Variants in EGLN1 observed in about 807,000 individuals in gnomAD.
The protein encoded by EGLN1 is egl nine homolog 1.
EGLN1 carries 17 observed loss-of-function variants against 38.3 expected under a neutral mutation model. The ratio of observed to expected loss-of-function variants is 0.44; its 90% CI spans 0.30 to 0.67. EGLN1 has a LOEUF of 0.67. Ranked by LOEUF, EGLN1 falls within the 30% of genes least tolerant of loss-of-function variation. EGLN1 has a pLI of 0.08. For missense variants in EGLN1, 477 were observed against 603.3 expected (o/e 0.79, Z 2.19); for synonymous variants, 283 against 257.5 (o/e 1.10, Z -0.95).
At chr1:231,379,608 G>A (rs112776080) in intron 1 of EGLN1, among the ~76,000 whole-genome samples, 13 of 152,278 alleles carry the variant, frequency 8.5e-5, no homozygotes, top group African/African-American at 2.9e-4. Flanking sequence ...TGGGCAGGAC[G>A]CCATTCTACT....
chr1:231,380,484 GAC>G (rs1688058151), intron 1 of EGLN1, among the ~76,000 whole-genome samples: 1 of 121,736 alleles, frequency 8.2e-6, no homozygotes, highest in African/African-American at 2.6e-5. Context: ...ATTTTAAAAA[GAC>G]ATATAAGGGC....
At chr1:231,373,112 A>G (rs1401058761) in intron 2 of EGLN1, among the ~76,000 whole-genome samples, 1 of 152,202 alleles carries the variant, frequency 6.6e-6, no homozygotes, top group Non-Finnish European at 1.5e-5. Flanking sequence ...ACTCAGGCTA[A>G]TATTAAGGAA....
chr1:231,411,425 C>CA (rs953664310), intron 1 of EGLN1, among the ~76,000 whole-genome samples: 21 of 152,250 alleles, frequency 1.4e-4, no homozygotes, highest in African/African-American at 4.8e-4. Flanking sequence ...TGAAAACAGA[C>CA]AAACACAATG....
rs1201696029 is a variant in EGLN1 at position 231,421,926 on chromosome 1, G to C, written c.-38C>G. 4 of 1,365,740 alleles carry C rather than the reference G, an allele frequency of 2.9e-6. No individual in the cohort carries two copies. Among genetic ancestry groups the C allele is most frequent in the Non-Finnish European group, 2.8e-6 (3 of 1,070,676 alleles). The allele number at this position is 1,365,740 out of a possible 1,614,324, so 84.6% of individuals were successfully genotyped here. Reference sequence around the variant, plus strand: ...GGCGGCGACGGCGACTGCGGCGGCCGAGCAGGAGGGGTAGCGGCCGGACGG... The same window carrying C: ...GGCGGCGACGGCGACTGCGGCGGCCCAGCAGGAGGGGTAGCGGCCGGACGG... On this transcript the variant is annotated 5_prime_UTR_variant, in exon 1 of 5. Coordinates refer to ENST00000366641, the MANE Select transcript of EGLN1 (RefSeq NM_022051.3). This position sits in a 1 kb window ranked among gnomAD's most constrained non-coding sequence, Gnocchi z 5.5.
chr1:231,375,663 C>T (rs894742446), intron 1 of EGLN1, among the ~76,000 whole-genome samples: 9 of 152,158 alleles, frequency 5.9e-5, no homozygotes, highest in African/African-American at 1.9e-4. Context: ...TTCCTTCTTT[C>T]AGCACTGGAG....
chr1:231,386,407 G>A (rs1257442017), intron 1 of EGLN1, among the ~76,000 whole-genome samples: 5 of 152,130 alleles, frequency 3.3e-5, no homozygotes, highest in African/African-American at 7.2e-5. Context: ...ATACCACTGC[G>A]GGAGAGTGTG....
intron 1 of EGLN1, among the ~76,000 whole-genome samples, chr1:231,377,846 C>T (rs1437738022): frequency 1.3e-5 from 2 of 152,160 alleles, no homozygotes; most frequent in African/African-American, 4.8e-5. Flanking sequence ...CAGTGCTTAG[C>T]TGTTTCCTAT....
At chr1:231,392,656 T>C (rs115483465) in intron 1 of EGLN1, among the ~76,000 whole-genome samples, 4,879 of 152,250 alleles carry the variant, frequency 0.032, 263 homozygotes, top group African/African-American at 0.11. Flanking sequence ...CAAAAACCTA[T>C]GGTGAGGATA....
chr1:231,414,664 C>T lies in EGLN1; in HGVS notation c.891+6334G>A, dbSNP rs546594872. ...AGAAGCAAAAGGGAGAAGAAAGTCT[C>T]GAATGTTCAAGCATATTCTCAAAAA... On this transcript the variant is annotated intron_variant, in intron 1 of 4. Coordinates refer to ENST00000366641, the MANE Select transcript of EGLN1 (RefSeq NM_022051.3). Among the ~76,000 whole-genome samples, 6 of 151,144 alleles carry T rather than the reference C, an allele frequency of 4.0e-5. No individual in the cohort carries two copies. In the East Asian group the frequency reaches 7.7e-4, roughly 20 times the overall value.
intron 1 of EGLN1, among the ~76,000 whole-genome samples, chr1:231,401,509 C>T (rs1454915858): frequency 4.6e-5 from 7 of 152,128 alleles, no homozygotes; most frequent in Non-Finnish European, 1.0e-4. Context: ...TTAAGAATAT[C>T]TAATGCATTG....
chr1:231,421,570 C>T lies in EGLN1; in HGVS notation c.319G>A (p.Ala107Thr). 1.5e-6 allele frequency: 2 copies of T among 1,308,656 alleles called. No individual in the cohort carries two copies. The highest frequency in any genetic ancestry group is 2.9e-4 in the Middle Eastern group (1 of 3,498). The allele number at this position is 1,308,656 out of a possible 1,614,324, so 81.1% of individuals were successfully genotyped here. A position where few individuals can be genotyped will look rare whatever the true frequency, so the allele number is the denominator to read the frequency against. The change falls in exon 1 of 5, where the codon GCG (alanine) becomes ACG (threonine). Residue 107 changes from alanine to threonine, a missense_variant. Physicochemically the swap from Ala to Thr is moderately conservative, Grantham distance 58. This residue lies in a region of EGLN1 where 298 missense variants were observed against 288.9 expected (regional missense o/e 1.03). Transcript: ENST00000366641. The surrounding 1 kb of genome is among the most constrained non-coding windows in gnomAD (Gnocchi z 5.5). ...AARRDNASGD[A>T]AKGKVKAKPP... ...TTGGCCTTTACTTTTCCCTTGGCCG[C>T]GTCCCCGGAGGCGTTGTCCCGGCGC...
chr1:231,416,077 C>T (rs1689071739), intron 1 of EGLN1, among the ~76,000 whole-genome samples: 2 of 151,990 alleles, frequency 1.3e-5, no homozygotes, highest in African/African-American at 4.8e-5. Context: ...GGTCTCAATC[C>T]CTCGACCTTG....
rs73121543 is a variant in EGLN1 at position 231,420,605 on chromosome 1, G to A, written c.891+393C>T. Among the ~76,000 whole-genome samples, 1,401 of 152,242 alleles carry A rather than the reference G, an allele frequency of 9.2e-3. 24 individuals carry two copies. Among genetic ancestry groups the A allele is most frequent in the African/African-American group, 0.032 (1,323 of 41,510 alleles). On this transcript the variant is annotated intron_variant, in intron 1 of 4. Coordinates refer to ENST00000366641, the MANE Select transcript of EGLN1 (RefSeq NM_022051.3). ...AATTTAACAGCTTATGCAAACACAA[G>A]GCAGATGCAGAACCAGGACTTGCTT... is the stretch of plus-strand genomic sequence containing the variant.
intron 2 of EGLN1, among the ~76,000 whole-genome samples, chr1:231,373,669 CGT>C (rs150455754): frequency 1.7e-5 from 2 of 119,588 alleles, no homozygotes; most frequent in Non-Finnish European, 3.5e-5. Context: ...CCCCTAACCT[CGT>C]GTGTGCGTGT....
In EGLN1 at chr1:231,368,194, A is replaced by C. The variant is rs74654454; in HGVS notation, c.1149-558T>G. On this transcript the variant is annotated intron_variant, in intron 3 of 4. Coordinates refer to ENST00000366641, the MANE Select transcript of EGLN1 (RefSeq NM_022051.3). ...TGACAGAGTGAGCCTCCCTCTAAAA[A>C]AAAAGAGAGACAATAAAAGGGTAAA... 1.1e-4 allele frequency among the ~76,000 whole-genome samples: 16 copies of C among 152,318 alleles called. No homozygotes were observed. The East Asian group carries it at 3.1e-3, about 29-fold the overall frequency.
chr1:231,415,848 TTTC>T (rs962825951), intron 1 of EGLN1, among the ~76,000 whole-genome samples: 4 of 123,614 alleles, frequency 3.2e-5, no homozygotes, highest in Non-Finnish European at 5.0e-5. Context: ...ATCCATTATC[TTTC>T]TTTTTTTTTT....
intron 1 of EGLN1, among the ~76,000 whole-genome samples, chr1:231,378,572 A>C (rs1481143860): frequency 6.6e-6 from 1 of 152,180 alleles, no homozygotes; most frequent in Non-Finnish European, 1.5e-5. Flanking sequence ...CTAGGACTAC[A>C]GGCGTGAGAC....
chr1:231,383,485 C>T (rs1488155506), intron 1 of EGLN1, among the ~76,000 whole-genome samples: 4 of 152,134 alleles, frequency 2.6e-5, no homozygotes, highest in Admixed American at 2.0e-4. Flanking sequence ...TCAGAAAAGA[C>T]TTTATAGAGA....
intron 1 of EGLN1, 104 bp downstream of exon 1, chr1:231,420,894 C>T (rs1054143919): frequency 1.4e-4 from 223 of 1,607,268 alleles, no homozygotes; most frequent in Non-Finnish European, 1.8e-4. Context: ...CGAGTCCCTT[C>T]TATATAGAGG....
Sources: gnomAD v4.1 joint callset for allele counts (sites outside exome capture counted in the v4.1 genomes callset) on GRCh38, gnomAD v4.1.1 for gene constraint, gnomAD v4.1.1 regional missense constraint, Gnocchi (gnomAD v3.1) non-coding constraint, MANE v1.5 for transcripts, NCBI Gene and HGNC (gene_info 2026-07-23, HGNC 2026-07-21) for gene names.